DOP1B: variants seen among roughly 807,000 people sequenced by gnomAD.
DOP1B encodes the protein DOP1 leucine zipper like protein B, also known as protein DOP1B.
A neutral mutation model predicts 233.5 loss-of-function variants in DOP1B; 174 were observed. That is an observed-to-expected ratio of 0.75 (90% CI 0.66 to 0.85). DOP1B has a LOEUF of 0.85. Ranked by LOEUF, DOP1B falls within the 40% of genes least tolerant of loss-of-function variation. The pLI is 0.00. For missense variants in DOP1B, 2,652 were observed against 2,846.6 expected (o/e 0.93, Z 1.56); for synonymous variants, 1,190 against 1,185.6 (o/e 1.00, Z -0.08).
chr21:36,232,326 C>A (rs907169914), intron 14 of DOP1B, among the ~76,000 whole-genome samples: 3 of 152,148 alleles, frequency 2.0e-5, no homozygotes, highest in Non-Finnish European at 4.4e-5. Context: ...TAACAAAGTA[C>A]CATAAACTGA....
intron 1 of DOP1B, among the ~76,000 whole-genome samples, chr21:36,161,340 T>C (rs1156867303): frequency 6.6e-6 from 1 of 152,146 alleles, no homozygotes; most frequent in Non-Finnish European, 1.5e-5. Flanking sequence ...AGTTTCACCA[T>C]GTTGGCCAGG....
chr21:36,288,534 A>AAATAC (rs1447572639), intron 33 of DOP1B, among the ~76,000 whole-genome samples: 2 of 152,150 alleles, frequency 1.3e-5, no homozygotes, highest in African/African-American at 4.8e-5. Flanking sequence ...GTCTACAAAA[A>AAATAC]AATACAAAAA....
In DOP1B at chr21:36,289,116, C is replaced by T. The variant is rs1296165226; in HGVS notation, c.6425C>T (p.Pro2142Leu). ...AATGGACCCTCAGTGGGGGAGATAC[C>T]CCAGAGTGAACTCATCTTGTATTTA... ...DANGPSVGEI[P>L]QSELILYLSA... Residue 2142 changes from proline (P) to leucine (L), a missense_variant, in exon 35 of 37, where the codon CCC becomes CTC. Physicochemically the swap from Pro to Leu is moderately conservative, Grantham distance 98. Transcript: ENST00000691173. 3 of 1,613,906 alleles carry T rather than the reference C, an allele frequency of 1.9e-6. No individual in the cohort carries two copies. Among genetic ancestry groups the T allele is most frequent in the African/African-American group, 2.7e-5 (2 of 74,902 alleles).
intron 4 of DOP1B, among the ~76,000 whole-genome samples, chr21:36,204,269 C>A (rs2066403697): frequency 6.6e-6 from 1 of 152,144 alleles, no homozygotes; most frequent in African/African-American, 2.4e-5. Context: ...CGTTCAGAAA[C>A]CCTGGCTTAA....
chr21:36,181,282 C>CT (rs746169081), intron 2 of DOP1B, among the ~76,000 whole-genome samples: 3,975 of 143,906 alleles, frequency 0.028, 56 homozygotes, highest in African/African-American at 0.046. Context: ...ACTCTGTCTT[C>CT]TTTTTTTTTT....
chr21:36,288,720 G>C (rs1456848641), intron 33 of DOP1B, 36 bp from the exon 34 acceptor site: 1 of 1,498,538 alleles, frequency 6.7e-7, no homozygotes, highest in Admixed American at 1.8e-5. Flanking sequence ...GATTTAATCT[G>C]TCTCAGATAG....
chr21:36,184,664 GCCGGC>G (rs1163201981), intron 2 of DOP1B, among the ~76,000 whole-genome samples: 1 of 152,244 alleles, frequency 6.6e-6, no homozygotes, highest in African/African-American at 2.4e-5. Context: ...GTGCTTCGCT[GCCGGC>G]CTGAGGCTCT....
At chr21:36,235,083 C>T (rs1326169697) in intron 15 of DOP1B, among the ~76,000 whole-genome samples, 1 of 152,084 alleles carries the variant, frequency 6.6e-6, no homozygotes, top group Non-Finnish European at 1.5e-5. Context: ...AGATTTATTC[C>T]TTGGAGCACA....
At chr21:36,221,452 G>A (rs1183434113) in intron 10 of DOP1B, among the ~76,000 whole-genome samples, 1 of 151,920 alleles carries the variant, frequency 6.6e-6, no homozygotes, top group Non-Finnish European at 1.5e-5. Flanking sequence ...CCAAGATCGT[G>A]CCACTGCACT....
At chr21:36,263,963 ACTGT>A (rs1419006279) in intron 26 of DOP1B, 149 bp downstream of exon 26, 1 of 853,960 alleles carries the variant, frequency 1.2e-6, no homozygotes, top group East Asian at 2.5e-5. Context: ...TTCTGCCATC[ACTGT>A]CTCTAGAGAG....
intron 3 of DOP1B, 58 bp downstream of exon 3, chr21:36,199,309 T>C: frequency 6.4e-7 from 1 of 1,553,386 alleles, no homozygotes; most frequent in Non-Finnish European, 8.7e-7. Flanking sequence ...GTATTTCAGC[T>C]CACAAGATGA....
intron 2 of DOP1B, among the ~76,000 whole-genome samples, chr21:36,185,404 A>G (rs747960627): frequency 2.6e-5 from 4 of 152,104 alleles, no homozygotes; most frequent in African/African-American, 7.2e-5. Flanking sequence ...TGAGACTGTT[A>G]GCTCTTAGAC....
chr21:36,227,440 G>C (rs573321537), intron 12 of DOP1B, among the ~76,000 whole-genome samples: 7 of 144,742 alleles, frequency 4.8e-5, no homozygotes, highest in South Asian at 2.2e-4. Context: ...CCAGCTGCTC[G>C]GGAGGCTGAG....
chr21:36,220,089 TC>T (rs1337585981), intron 10 of DOP1B, among the ~76,000 whole-genome samples: 1 of 152,172 alleles, frequency 6.6e-6, no homozygotes, highest in African/African-American at 2.4e-5. Flanking sequence ...TTTATTTTGT[TC>T]CTTTTAAGGG....
intron 2 of DOP1B, among the ~76,000 whole-genome samples, chr21:36,198,343 C>T (rs1022541880): frequency 6.6e-6 from 1 of 151,634 alleles, no homozygotes; most frequent in Non-Finnish European, 1.5e-5. Context: ...GCAGGAGAAT[C>T]GCTTGAACCT....
At chr21:36,166,171 C>T (rs1257526353) in intron 2 of DOP1B, among the ~76,000 whole-genome samples, 1 of 151,732 alleles carries the variant, frequency 6.6e-6, no homozygotes, top group African/African-American at 2.4e-5. Context: ...TGGTGGCTCA[C>T]ACCTGTAATC....
In DOP1B at chr21:36,276,910, T is replaced by C. The variant is rs566711564; in HGVS notation, c.5633-111T>C. The C allele has an allele frequency of 2.3e-4, 220 of 940,580 alleles. 4 individuals are homozygous for C. In the South Asian group the frequency reaches 3.0e-3, roughly 13 times the overall value. 58.3% of individuals were successfully genotyped at this position (940,580 alleles called of 1,614,324 possible). A position where few individuals can be genotyped will look rare whatever the true frequency, so the allele number is the denominator to read the frequency against. On this transcript the variant is annotated intron_variant, in intron 27 of 36. Transcript: ENST00000691173. ...GAATACCTGAGTCATATGGACACAA[T>C]TGGTATGAAAGGCGGGAGCTGATGG... is the stretch of plus-strand genomic sequence containing the variant.
At chr21:36,164,674 T>C (rs1232774670) in intron 1 of DOP1B, 34 bp from the exon 2 acceptor site, 5 of 1,475,036 alleles carry the variant, frequency 3.4e-6, no homozygotes, top group African/African-American at 1.4e-5. Context: ...CCCAAATGGC[T>C]CTCTCATTTG....
rs759013708 is a variant in DOP1B, at chr21:36,245,565, C to A, written c.3585C>A (p.Asp1195Glu). The A allele has an allele frequency of 6.2e-7, 1 of 1,613,480 alleles. No individual in the cohort carries two copies. The highest frequency in any genetic ancestry group is 1.7e-5 in the Admixed American group (1 of 60,018). Reference sequence around the variant, plus strand: ...AGGCTTCTGAGTCGTTCTCCAGCGACGAGGAGGCGGACTTGGAGCTCCAGG... The same window carrying A: ...AGGCTTCTGAGTCGTTCTCCAGCGAAGAGGAGGCGGACTTGGAGCTCCAGG... ...KTQASESFSSDEEADLELQAL... is the reference protein window; with the variant it reads ...KTQASESFSSEEEADLELQAL... The change falls in exon 19 of 37, where the codon GAC becomes GAA. Residue 1195 changes from aspartate (D) to glutamate (E), a missense_variant. Asp to Glu is a conservative substitution (Grantham distance 45, BLOSUM62 2). Around this residue, in one of 3 missense-constraint regions of DOP1B, gnomAD observed 2,617 missense variants for 2,794.3 expected, o/e 0.94. Coordinates refer to ENST00000691173, the MANE Select transcript of DOP1B (RefSeq NM_001320714.2). This position sits in a 1 kb window ranked among gnomAD's most constrained non-coding sequence, Gnocchi z 5.5.
Sources: gnomAD v4.1 joint callset for allele counts (sites outside exome capture counted in the v4.1 genomes callset) on GRCh38, gnomAD v4.1.1 for gene constraint, gnomAD v4.1.1 regional missense constraint, Gnocchi (gnomAD v3.1) non-coding constraint, MANE v1.5 for transcripts, NCBI Gene and HGNC (gene_info 2026-07-23, HGNC 2026-07-21) for gene names.